DRD2: variants seen among roughly 807,000 people sequenced by gnomAD.
DRD2 encodes D(2) dopamine receptor.
DRD2 carries 8 observed loss-of-function variants against 38.0 expected under a neutral mutation model. The observed-to-expected ratio is 0.21, with a 90% CI of 0.12 to 0.38. The LOEUF (loss-of-function observed/expected upper bound fraction) is 0.38. Among genes scored for constraint, DRD2 ranks in the 10% least tolerant of loss-of-function variants. The pLI, the probability that DRD2 is intolerant of heterozygous loss-of-function variation, is 1.00. For synonymous variants in DRD2, 230 were observed against 238.6 expected (o/e 0.96, Z 0.33); for missense variants, 403 against 607.7 (o/e 0.66, Z 3.54).
chr11:113,461,562 A>G (rs1951319270), intron 1 of DRD2, among the ~76,000 whole-genome samples: 1 of 152,192 alleles, frequency 6.6e-6, no homozygotes, highest in Non-Finnish European at 1.5e-5. Context: ...AGACTGGAGT[A>G]TATAAGAGAA....
intron 1 of DRD2, among the ~76,000 whole-genome samples, chr11:113,465,210 C>T (rs1319262523): frequency 3.9e-5 from 6 of 152,078 alleles, no homozygotes; most frequent in Admixed American, 1.3e-4. Flanking sequence ...AGGTAATTCC[C>T]GTGCCTCAGC....
chr11:113,470,139 G>A (rs1017842754), intron 1 of DRD2, among the ~76,000 whole-genome samples: 8 of 152,166 alleles, frequency 5.3e-5, no homozygotes, highest in Non-Finnish European at 1.0e-4. Context: ...GCTGCCTGGG[G>A]TAGCAGGTAG....
intron 1 of DRD2, among the ~76,000 whole-genome samples, chr11:113,425,665 A>T (rs1224149137): frequency 6.6e-6 from 1 of 152,048 alleles, no homozygotes; most frequent in Non-Finnish European, 1.5e-5. Context: ...CAGGTAAGAG[A>T]TGATGAGGTT....
In DRD2 at chr11:113,431,866, A is replaced by G. The variant is rs1044606738; in HGVS notation, c.-31-7184T>C. ...TAGCTCTCAAGTTGAGAAGTACTGGAAGAGCCCAGATACCCGGGGCTAAGC... is the reference window on the plus strand; with the variant it reads ...TAGCTCTCAAGTTGAGAAGTACTGGGAGAGCCCAGATACCCGGGGCTAAGC... On this transcript the variant is annotated intron_variant, in intron 1 of 7. Transcript: ENST00000362072. Among the ~76,000 whole-genome samples, 15 of 152,230 alleles carry G rather than the reference A, an allele frequency of 9.9e-5. 3 individuals are homozygous for G. Among genetic ancestry groups the G allele is most frequent in the Admixed American group, 7.9e-4 (12 of 15,286 alleles).
At chr11:113,427,199 A>G (rs1187131485) in intron 1 of DRD2, among the ~76,000 whole-genome samples, 2 of 152,236 alleles carry the variant, frequency 1.3e-5, no homozygotes, top group Non-Finnish European at 2.9e-5. Context: ...TACCTGGAAC[A>G]TGCTTGATCT....
chr11:113,430,564 G>A (rs770484630), intron 1 of DRD2, among the ~76,000 whole-genome samples: 4 of 152,162 alleles, frequency 2.6e-5, no homozygotes, highest in Non-Finnish European at 4.4e-5. Context: ...AAACCTGCTG[G>A]TCCCCAGGCT....
rs1318866975 is a variant in DRD2, at chr11:113,417,150, T to TC, written c.396-152dup. ...CCTGAGATGCTAACTCAACCCTCCC[T>TC]CCTGTCCCCAAACTCAGATGGCGAG... On this transcript the variant is annotated intron_variant, in intron 3 of 7. Transcript: ENST00000362072. 7 of 1,181,520 alleles carry TC rather than the reference T, an allele frequency of 5.9e-6. No individual in the cohort carries two copies. The African/African-American group carries it at 1.1e-4, about 18-fold the overall frequency. 73.2% of individuals were successfully genotyped at this position (1,181,520 alleles called of 1,614,324 possible).
chr11:113,443,022 C>T (rs1951108685), intron 1 of DRD2, among the ~76,000 whole-genome samples: 1 of 152,082 alleles, frequency 6.6e-6, no homozygotes, highest in South Asian at 2.1e-4. Flanking sequence ...GATTCTGGTC[C>T]CCTTCACGAC....
intron 5 of DRD2, among the ~76,000 whole-genome samples, chr11:113,415,071 A>G (rs35608204): frequency 0.018 from 2,800 of 152,252 alleles, 36 homozygotes; most frequent in Middle Eastern, 0.044. Flanking sequence ...AGGAAAGAGG[A>G]TGGAGGAGTC....
Position 113,417,300 on chromosome 11 carries a change from T to A in DRD2, c.396-301A>T, listed in dbSNP as rs74960566. 2.6e-4 allele frequency among the ~76,000 whole-genome samples: 39 copies of A among 152,334 alleles called. No homozygotes were observed. The East Asian group carries it at 7.1e-3, about 28-fold the overall frequency. ...TTCGAAGAACCATGGCCTGCATCTT[T>A]GCACTTTTGAAACTGTACCCACTGC... On this transcript the variant is annotated intron_variant, in intron 3 of 7. Transcript: ENST00000362072.
intron 1 of DRD2, among the ~76,000 whole-genome samples, chr11:113,465,411 G>GTTGTTTGTTTGT (rs6144513): frequency 0.015 from 2,283 of 150,620 alleles, 30 homozygotes; most frequent in Non-Finnish European, 0.021. Flanking sequence ...TGTTGTTGTT[G>GTTGTTTGTTTGT]TTGTTTGTTT....
intron 1 of DRD2, among the ~76,000 whole-genome samples, chr11:113,462,146 A>G (rs1321513473): frequency 1.3e-5 from 2 of 152,206 alleles, no homozygotes; most frequent in Non-Finnish European, 2.9e-5. Context: ...CTTCAATTAG[A>G]TAAGTGGGCA....
chr11:113,417,088 T>C, intron 3 of DRD2, 89 bp from the exon 4 acceptor site: 2 of 1,534,672 alleles, frequency 1.3e-6, no homozygotes, highest in Non-Finnish European at 1.8e-6. Flanking sequence ...CCCTCACTCC[T>C]TGGGGCTAAA....
At chr11:113,436,977 T>C (rs1050854785) in intron 1 of DRD2, among the ~76,000 whole-genome samples, 3 of 152,142 alleles carry the variant, frequency 2.0e-5, no homozygotes, top group African/African-American at 7.2e-5. Flanking sequence ...CTGGCAACCC[T>C]TTCTATGGCC....
rs78991797 is a variant in DRD2, at chr11:113,432,182, C to T, written c.-31-7500G>A. Among the ~76,000 whole-genome samples, 487 of 152,340 alleles carry T rather than the reference C, an allele frequency of 3.2e-3. 4 individuals carry two copies. Among genetic ancestry groups the T allele is most frequent in the African/African-American group, 0.011 (462 of 41,574 alleles). On this transcript the variant is annotated intron_variant, in intron 1 of 7. Coordinates refer to ENST00000362072, the MANE Select transcript of DRD2 (RefSeq NM_000795.4). ...GGTGTAGCAACACTTAGTCCCCAGG[C>T]TGATGGAGTGGGGTGAAAAGGGTCA...
intron 1 of DRD2, among the ~76,000 whole-genome samples, chr11:113,451,993 C>T (rs1047059085): frequency 1.3e-5 from 2 of 152,140 alleles, no homozygotes; most frequent in African/African-American, 4.8e-5. Flanking sequence ...TTCTTCTCCC[C>T]TCCTCTGGCC....
At chr11:113,458,167 C>T (rs1951284532) in intron 1 of DRD2, among the ~76,000 whole-genome samples, 1 of 152,240 alleles carries the variant, frequency 6.6e-6, no homozygotes, top group African/African-American at 2.4e-5. Context: ...GGTGCCTAAC[C>T]TGGGTATTTA....
At chr11:113,410,975 G>C (rs1950764261) in intron 7 of DRD2, 55 bp from the exon 8 acceptor site, 1 of 1,567,066 alleles carries the variant, frequency 6.4e-7, no homozygotes, top group African/African-American at 1.3e-5. Flanking sequence ...GCACGGCTGG[G>C]AACACCCACA....
intron 2 of DRD2, among the ~76,000 whole-genome samples, chr11:113,421,757 C>T (rs1401533074): frequency 1.3e-5 from 2 of 152,156 alleles, no homozygotes; most frequent in Non-Finnish European, 2.9e-5. Context: ...TGAGGGTGCG[C>T]TGATAGGACA....
Sources: allele counts gnomAD v4.1 joint callset (sites outside exome capture counted in the v4.1 genomes callset), GRCh38; gene constraint gnomAD v4.1.1; transcripts MANE v1.5; gene names NCBI Gene and HGNC (gene_info 2026-07-23, HGNC 2026-07-21).